The following DCBLD1 variants were observed in gnomAD, a reference collection of about 807,000 sequenced individuals.
DCBLD1 encodes the protein discoidin, CUB and LCCL domain-containing protein 1.
Under a neutral mutation model 71.5 loss-of-function variants are expected in DCBLD1, and 57 were observed. That is an observed-to-expected ratio of 0.80 (90% CI 0.64 to 0.99). DCBLD1 has a LOEUF of 0.99. Ranked by LOEUF, DCBLD1 falls within the 50% of genes least tolerant of loss-of-function variation. DCBLD1 has a pLI of 0.00. For synonymous variants in DCBLD1, 380 were observed against 363.8 expected, an observed-to-expected ratio of 1.04 and a Z score of -0.51; for missense variants, 891 against 923.5, an observed-to-expected ratio of 0.96 and a Z score of 0.46.
intron 1 of DCBLD1, among the ~76,000 whole-genome samples, chr6:117,484,303 C>T: frequency 6.6e-6 from 1 of 152,138 alleles, no homozygotes; most frequent in East Asian, 1.9e-4. Flanking sequence ...GAGAGCGGTT[C>T]TCTAGGAACA....
chr6:117,509,138 T>C (rs1777931940), intron 2 of DCBLD1, among the ~76,000 whole-genome samples: 1 of 152,164 alleles, frequency 6.6e-6, no homozygotes, highest in African/African-American at 2.4e-5. Context: ...TCCCTCATAT[T>C]TAAAATGGGC....
chr6:117,510,831 G>T (rs1341834216), intron 2 of DCBLD1, among the ~76,000 whole-genome samples: 1 of 152,160 alleles, frequency 6.6e-6, no homozygotes, highest in Non-Finnish European at 1.5e-5. Context: ...TGCTTATTAT[G>T]TGGAAAAGAC....
In DCBLD1 at chr6:117,548,307, C is replaced by G. The variant is rs752872103; in HGVS notation, c.2016C>G (p.Ser672Arg). The G allele has an allele frequency of 6.4e-7, 1 of 1,550,546 alleles. No individual in the cohort carries two copies. Among genetic ancestry groups the G allele is most frequent in the African/African-American group, 1.4e-5 (1 of 73,074 alleles). ...DRGYDRPKAV[S>R]ALATESGHPD... Reference sequence around the variant, plus strand: ...GCTACGACCGGCCCAAAGCTGTCAGCGCCCTCGCCACCGAAAGCGGGCACC... The same window carrying G: ...GCTACGACCGGCCCAAAGCTGTCAGGGCCCTCGCCACCGAAAGCGGGCACC... The change falls in exon 15 of 15, where the codon AGC (serine) becomes AGG (arginine). Residue 672 changes from serine to arginine, a missense_variant. Physicochemically the swap from Ser to Arg is moderately radical, Grantham distance 110. Coordinates refer to ENST00000338728, the MANE Select transcript of DCBLD1 (RefSeq NM_001366458.2).
intron 14 of DCBLD1, chr6:117,560,150 A>C (rs528659076): frequency 6.4e-6 from 1 of 157,188 alleles, no homozygotes. Context: ...TGTTTTCCTC[A>C]TAGATAACAA....
chr6:117,501,082 A>G (rs1051742638), intron 1 of DCBLD1, among the ~76,000 whole-genome samples: 3 of 152,064 alleles, frequency 2.0e-5, no homozygotes, highest in Non-Finnish European at 2.9e-5. Flanking sequence ...TTTGATCAGG[A>G]GATTTTTTGG....
At chr6:117,524,146 G>T (rs114348443) in intron 4 of DCBLD1, among the ~76,000 whole-genome samples, 1,624 of 151,942 alleles carry the variant, frequency 0.011, 36 homozygotes, top group African/African-American at 0.037. Flanking sequence ...CACATACTAT[G>T]ACATGTTTCT....
intron 2 of DCBLD1, among the ~76,000 whole-genome samples, chr6:117,505,180 ATAATTGTT>A (rs1339184473): frequency 2.0e-5 from 3 of 152,320 alleles, no homozygotes; most frequent in African/African-American, 7.2e-5. Flanking sequence ...TAGTTTCCAT[ATAATTGTT>A]GGTAACTTTT....
chr6:117,485,705 A>T (rs1451802788), intron 1 of DCBLD1, among the ~76,000 whole-genome samples: 1 of 152,216 alleles, frequency 6.6e-6, no homozygotes, highest in African/African-American at 2.4e-5. Context: ...TGTTTAGGAT[A>T]TATTTTCAAA....
chr6:117,545,431 A>G (rs780906059), intron 13 of DCBLD1, 47 bp from the exon 14 acceptor site: 7 of 1,603,974 alleles, frequency 4.4e-6, no homozygotes, highest in Non-Finnish European at 5.1e-6. Context: ...GAGGACGCGC[A>G]TTACATTTCT....
chr6:117,505,329 C>T (rs993822862), intron 2 of DCBLD1, among the ~76,000 whole-genome samples: 1 of 152,066 alleles, frequency 6.6e-6, no homozygotes. Context: ...GTCAGGGAGT[C>T]CCTCATTAGC....
In DCBLD1 at chr6:117,511,190, C is replaced by G. The variant is rs118138580; in HGVS notation, c.325+7211C>G. ...GAAGACCTGAGGTGTAGTTCTTGTT[C>G]GTCACTTGCTGGAAGAAATGGAAAC... On this transcript the variant is annotated intron_variant, in intron 2 of 14. Coordinates refer to ENST00000338728, the MANE Select transcript of DCBLD1 (RefSeq NM_001366458.2). 4.6e-5 allele frequency among the ~76,000 whole-genome samples: 7 copies of G among 152,188 alleles called. No individual in the cohort carries two copies. The East Asian group carries it at 1.4e-3, about 29-fold the overall frequency.
At chr6:117,510,073 A>G (rs1241053153) in intron 2 of DCBLD1, among the ~76,000 whole-genome samples, 2 of 152,134 alleles carry the variant, frequency 1.3e-5, no homozygotes, top group East Asian at 3.9e-4. Flanking sequence ...AATAGTTGCA[A>G]TAATTTCTTT....
chr6:117,548,436 G>T lies in DCBLD1; in HGVS notation c.2145G>T (p.Leu715Phe). 1.3e-6 allele frequency: 2 copies of T among 1,550,582 alleles called. No individual in the cohort carries two copies. Among genetic ancestry groups the T allele is most frequent in the Middle Eastern group, 3.3e-4 (2 of 5,992 alleles). Residue 715 changes from leucine (L) to phenylalanine (F), a missense_variant, in exon 15 of 15, where the codon TTG (leucine) becomes TTT (phenylalanine). Transcript: ENST00000338728. Reference sequence around the variant, plus strand: ...ACCAGACGGCCATGACTGCCCTTTTGTGAACACAATGTGAAAGAAGCCTGC... The same window carrying T: ...ACCAGACGGCCATGACTGCCCTTTTTTGAACACAATGTGAAAGAAGCCTGC... Reference protein sequence around the residue: ...PLNQTAMTALL With the variant: ...PLNQTAMTALF
intron 5 of DCBLD1, among the ~76,000 whole-genome samples, chr6:117,526,934 G>C (rs976306681): frequency 6.6e-6 from 1 of 152,222 alleles, no homozygotes; most frequent in Non-Finnish European, 1.5e-5. Flanking sequence ...CAACAAAGGT[G>C]TCAGCTGGGG....
rs376674052 is a variant in DCBLD1 at position 117,525,262 on chromosome 6, T to C, written c.513-100T>C. On this transcript the variant is annotated intron_variant, in intron 4 of 14. Coordinates refer to ENST00000338728, the MANE Select transcript of DCBLD1 (RefSeq NM_001366458.2). ...CTAATTTGCCATTAAAGCAAGATAT[T>C]ATATGGAGGGCAGAAAATACTTTAA... 3.5e-6 allele frequency: 3 copies of C among 857,818 alleles called. No individual in the cohort carries two copies. The East Asian group carries it at 1.0e-4, about 29-fold the overall frequency. The allele number at this position is 857,818 out of a possible 1,614,324, so 53.1% of individuals were successfully genotyped here.
chr6:117,527,107 C>T (rs746336033), intron 5 of DCBLD1, among the ~76,000 whole-genome samples: 10 of 152,202 alleles, frequency 6.6e-5, no homozygotes, highest in Non-Finnish European at 1.2e-4. Flanking sequence ...ACCTTCCCAA[C>T]GTGGCCACTT....
chr6:117,535,913 C>A (rs1778867305), intron 6 of DCBLD1, among the ~76,000 whole-genome samples: 1 of 152,098 alleles, frequency 6.6e-6, no homozygotes, highest in Non-Finnish European at 1.5e-5. Context: ...TCCCAGGACC[C>A]AAGTGGGTCT....
chr6:117,529,881 T>G (rs11751773), intron 5 of DCBLD1, among the ~76,000 whole-genome samples: 17,814 of 152,196 alleles, frequency 0.12, 1,166 homozygotes, highest in Middle Eastern at 0.17. Flanking sequence ...ATAAAAAAGG[T>G]ATTCACCATT....
chr6:117,549,936 CAGAAG>C, downstream of DCBLD1: 1 of 850,452 alleles, frequency 1.2e-6, no homozygotes. Context: ...CAATCTACCA[CAGAAG>C]AGAAGTCTGG....
Sources: gnomAD v4.1 joint callset for allele counts (sites outside exome capture counted in the v4.1 genomes callset) on GRCh38, gnomAD v4.1.1 for gene constraint, MANE v1.5 for transcripts, NCBI Gene and HGNC (gene_info 2026-07-23, HGNC 2026-07-21) for gene names.